The following MRE11 variants were observed in gnomAD, a reference collection of about 807,000 sequenced individuals.
MRE11 encodes the protein MRE11 double strand break repair nuclease.
Under a neutral mutation model 91.7 loss-of-function variants are expected in MRE11, and 62 were observed. The ratio of observed to expected loss-of-function variants is 0.68; its 90% CI spans 0.55 to 0.84. MRE11 has a LOEUF of 0.84. Among genes scored for constraint, MRE11 ranks in the 40% least tolerant of loss-of-function variants. The probability of loss-of-function intolerance (pLI) is 0.00; values close to 1 mark genes in which losing one functional copy is unlikely to be tolerated. For synonymous variants in MRE11, 273 were observed against 271.4 expected (o/e 1.01, Z -0.06); for missense variants, 796 against 852.9 (o/e 0.93, Z 0.83).
chr11:94,473,087 TA>T (rs954911236), intron 7 of MRE11: 2 of 152,114 alleles, frequency 1.3e-5, no homozygotes, highest in Admixed American at 1.3e-4. Flanking sequence ...GAGAAAGTCC[TA>T]AGCAGTAGAA....
chr11:94,446,036 C>T (rs1046673070), intron 15 of MRE11, 143 bp from the exon 16 acceptor site: 1 of 657,198 alleles, frequency 1.5e-6, no homozygotes, highest in Non-Finnish European at 2.7e-6. Flanking sequence ...GAACAAACAT[C>T]TAGAGTCTGA....
intron 9 of MRE11, among the ~76,000 whole-genome samples, chr11:94,468,736 T>C (rs867316571): frequency 3.9e-5 from 6 of 152,214 alleles, no homozygotes; most frequent in South Asian, 4.1e-4. Context: ...GCATATTCAA[T>C]ATGGTTGCCA....
chr11:94,508,126 T>C, the MRE11 span, among the ~76,000 whole-genome samples: 2 of 151,990 alleles, frequency 1.3e-5, no homozygotes, highest in South Asian at 4.2e-4. Flanking sequence ...CATGTATTTG[T>C]TTTTGTAGAG....
At chr11:94,460,101 G>C (rs1434627458) in intron 12 of MRE11, among the ~76,000 whole-genome samples, 1 of 152,120 alleles carries the variant, frequency 6.6e-6, no homozygotes, top group Non-Finnish European at 1.5e-5. Flanking sequence ...AGGATTTGAA[G>C]ATAAAAGGAG....
rs538907346 is a variant in MRE11, at chr11:94,489,244, C to A, written c.153+1589G>T. 3.3e-5 allele frequency among the ~76,000 whole-genome samples: 5 copies of A among 151,610 alleles called. No individual in the cohort carries two copies. In the South Asian group the frequency reaches 8.4e-4, roughly 25 times the overall value. On this transcript the variant is annotated intron_variant, in intron 3 of 19. Transcript: ENST00000323929. ...AGGTAAGACTTGAACTCTCAGAAGT[C>A]GGCCCCACCAAGATCAATGTGCTCC...
chr11:94,439,778 T>A (rs1565208053), intron 16 of MRE11, among the ~76,000 whole-genome samples: 1 of 152,164 alleles, frequency 6.6e-6, no homozygotes, highest in Non-Finnish European at 1.5e-5. Context: ...GAACACTCAT[T>A]CCTAAAGATG....
At chr11:94,478,676 T>C (rs1946935321) in intron 6 of MRE11, 59 bp downstream of exon 6, 8 of 1,595,132 alleles carry the variant, frequency 5.0e-6, no homozygotes, top group Non-Finnish European at 6.9e-6. Context: ...TATCTCCAAA[T>C]TTCTCAATTG....
At chr11:94,481,318 A>T (rs555168115) in intron 4 of MRE11, among the ~76,000 whole-genome samples, 1 of 152,176 alleles carries the variant, frequency 6.6e-6, no homozygotes, top group Non-Finnish European at 1.5e-5. Flanking sequence ...CGAAAAAAAA[A>T]AATAAAAGTT....
intron 14 of MRE11, among the ~76,000 whole-genome samples, chr11:94,452,321 A>G (rs764194707): frequency 6.6e-6 from 1 of 151,396 alleles, no homozygotes; most frequent in African/African-American, 2.5e-5. Context: ...AGGCAGACTC[A>G]TTAGTAAAAA....
At chr11:94,454,245 T>C (rs1298616038) in intron 14 of MRE11, among the ~76,000 whole-genome samples, 2 of 151,766 alleles carry the variant, frequency 1.3e-5, no homozygotes, top group African/African-American at 4.9e-5. Context: ...GGCTAATTTT[T>C]GTATTTTTTG....
intron 19 of MRE11, among the ~76,000 whole-genome samples, chr11:94,420,615 T>C (rs187008078): frequency 6.6e-6 from 1 of 152,340 alleles, no homozygotes; most frequent in Admixed American, 6.5e-5. Flanking sequence ...TAATTTTATT[T>C]CCCATTACCA....
intron 10 of MRE11, 143 bp downstream of exon 10, chr11:94,467,670 T>C: frequency 1.5e-6 from 1 of 686,126 alleles, no homozygotes; most frequent in South Asian, 1.8e-5. Flanking sequence ...CAAATCCTTA[T>C]ATCTTTGTTT....
intron 19 of MRE11, 48 bp from the exon 20 acceptor site, chr11:94,420,229 T>C: frequency 1.4e-6 from 2 of 1,477,814 alleles, no homozygotes; most frequent in Non-Finnish European, 1.9e-6. Context: ...CCTGCTTCAC[T>C]GAAACAAGAC....
chr11:94,496,886 T>C (rs1471141403), upstream of MRE11: 5 of 1,613,446 alleles, frequency 3.1e-6, no homozygotes, highest in Middle Eastern at 1.7e-4. Context: ...GTGGTATCGA[T>C]TGCAAGAAAA....
chr11:94,462,850 C>T (rs1205265203), intron 11 of MRE11, among the ~76,000 whole-genome samples: 2 of 152,134 alleles, frequency 1.3e-5, no homozygotes, highest in African/African-American at 4.8e-5. Context: ...TAGGCAATAC[C>T]ATTCAGGACA....
In MRE11 at chr11:94,460,987, T is replaced by G. The variant is rs749712745; in HGVS notation, c.1275A>C (p.Thr425=). The stretch of plus-strand genomic sequence containing the variant: ...TTACAAGATCTTCTACCCTTAAAGT[T>G]GTTCCTTCTGAAGGCTTTGTGATAA... The part of the protein sequence containing the change: ...GKLITKPSEG[T]TLRVEDLVKQ... The change falls in exon 12 of 20, where the codon ACA becomes ACC. Residue 425 remains threonine (T), a synonymous_variant. Transcript: ENST00000323929. The G allele has an allele frequency of 1.6e-5, 26 of 1,613,696 alleles. No homozygotes were observed. The highest frequency in any genetic ancestry group is 2.2e-5 in the Non-Finnish European group (26 of 1,179,974).
chr11:94,425,415 G>A (rs1436758385), intron 19 of MRE11, among the ~76,000 whole-genome samples: 1 of 152,100 alleles, frequency 6.6e-6, no homozygotes, highest in East Asian at 1.9e-4. Context: ...ACATAGCTTA[G>A]AGACACTATA....
At chr11:94,505,572 GTTTT>G in the MRE11 span, among the ~76,000 whole-genome samples, 1 of 152,158 alleles carries the variant, frequency 6.6e-6, no homozygotes, top group Non-Finnish European at 1.5e-5. Flanking sequence ...GATTTAAAAT[GTTTT>G]TAAAAATTAA....
chr11:94,482,160 C>G lies in MRE11; in HGVS notation c.315-2399G>C, dbSNP rs185809946. Among the ~76,000 whole-genome samples the G allele has an allele frequency of 2.0e-5, 3 of 152,280 alleles. No individual in the cohort carries two copies. In the East Asian group the frequency reaches 5.8e-4, roughly 29 times the overall value. ...AACAATGAGAAAATCTTAAGTTACC[C>G]AAGTATTGTCTTTATGCTGGTCACT... On this transcript the variant is annotated intron_variant, in intron 4 of 19. Transcript: ENST00000323929.
Sources: gnomAD v4.1 joint callset for allele counts (sites outside exome capture counted in the v4.1 genomes callset) on GRCh38, gnomAD v4.1.1 for gene constraint, MANE v1.5 for transcripts, NCBI Gene and HGNC (gene_info 2026-07-23, HGNC 2026-07-21) for gene names.